TOM1L2: variants seen among roughly 807,000 people sequenced by gnomAD.
TOM1L2 encodes the protein target of myb1 like 2 membrane trafficking protein, also known as TOM1-like protein 2.
In TOM1L2, 31 loss-of-function variants were observed where a neutral mutation model predicts 67.9. The observed-to-expected ratio is 0.46, with a 90% CI of 0.34 to 0.62. TOM1L2 has a LOEUF of 0.62. Ranked by LOEUF, TOM1L2 falls within the 20% of genes least tolerant of loss-of-function variation. TOM1L2 has a pLI of 0.01. For missense variants in TOM1L2, 606 were observed against 663.5 expected, an observed-to-expected ratio of 0.91 and a Z score of 0.95; for synonymous variants, 256 against 254.0, an observed-to-expected ratio of 1.01 and a Z score of -0.07.
intron 2 of TOM1L2, among the ~76,000 whole-genome samples, chr17:17,904,538 C>T (rs2039000861): frequency 6.6e-6 from 1 of 152,076 alleles, no homozygotes; most frequent in African/African-American, 2.4e-5. Flanking sequence ...CATGAGGGGC[C>T]TGGTTGGGGT....
intron 1 of TOM1L2, among the ~76,000 whole-genome samples, chr17:17,944,407 T>C (rs1001481961): frequency 6.6e-6 from 1 of 152,248 alleles, no homozygotes; most frequent in Admixed American, 6.5e-5. Flanking sequence ...AACAGTTTCT[T>C]TGAAAGGTTC....
At chr17:17,943,628 T>C (rs1261605896) in intron 1 of TOM1L2, among the ~76,000 whole-genome samples, 1 of 152,168 alleles carries the variant, frequency 6.6e-6, no homozygotes, top group African/African-American at 2.4e-5. Flanking sequence ...CTCATTGTTA[T>C]CACTTCCTCC....
intron 4 of TOM1L2, among the ~76,000 whole-genome samples, chr17:17,892,578 C>T (rs1265791906): frequency 6.6e-6 from 1 of 152,208 alleles, no homozygotes; most frequent in Non-Finnish European, 1.5e-5. Flanking sequence ...CCACTGGCCT[C>T]TGGGCATCCT....
At chr17:17,887,861 T>C (rs1245838837) in intron 4 of TOM1L2, among the ~76,000 whole-genome samples, 2 of 152,192 alleles carry the variant, frequency 1.3e-5, no homozygotes, top group Non-Finnish European at 1.5e-5. Flanking sequence ...TTAAACTGAA[T>C]TCAGTTCTCA....
intron 1 of TOM1L2, among the ~76,000 whole-genome samples, chr17:17,924,560 G>T (rs970930524): frequency 3.9e-5 from 6 of 152,098 alleles, no homozygotes; most frequent in Non-Finnish European, 8.8e-5. Flanking sequence ...CTTAAGCCCA[G>T]GAGTTTGAGA....
At chr17:17,878,281 A>G (rs570227922) in intron 7 of TOM1L2, among the ~76,000 whole-genome samples, 2 of 152,298 alleles carry the variant, frequency 1.3e-5, no homozygotes, top group East Asian at 3.9e-4. Flanking sequence ...GAGGTCTGGG[A>G]ACTAGGGAGA....
rs114887754 is a variant in TOM1L2, at chr17:17,904,204, C to T, written c.137+3243G>A. On this transcript the variant is annotated intron_variant, in intron 2 of 14. Coordinates refer to ENST00000379504, the MANE Select transcript of TOM1L2 (RefSeq NM_001082968.2). ...TTCTCAGGAATCACTGAGGTGCTCT[C>T]ACTCAAAAAGGTAGCAACAGGAGCT... Among the ~76,000 whole-genome samples the T allele has an allele frequency of 7.5e-3, 1,134 of 152,208 alleles. 13 individuals carry two copies. Among genetic ancestry groups the T allele is most frequent in the African/African-American group, 0.026 (1,088 of 41,506 alleles).
chr17:17,885,531 A>G (rs2037950076), intron 4 of TOM1L2, among the ~76,000 whole-genome samples: 2 of 152,238 alleles, frequency 1.3e-5, no homozygotes, highest in Non-Finnish European at 2.9e-5. Flanking sequence ...GAAAAGCACA[A>G]TCACCAGATT....
rs568530265 is a variant in TOM1L2 at position 17,918,235 on chromosome 17, G to A, written c.53-10704C>T. Among the ~76,000 whole-genome samples the A allele has an allele frequency of 2.4e-4, 36 of 151,418 alleles. No individual in the cohort carries two copies. In the South Asian group the frequency reaches 5.2e-3, roughly 22 times the overall value. On this transcript the variant is annotated intron_variant, in intron 1 of 14. Coordinates refer to ENST00000379504, the MANE Select transcript of TOM1L2 (RefSeq NM_001082968.2). ...CAGCTTTGGTAAATTTATGTTATTC[G>A]CTCTAGCAGTTTTTCTTTTTTTTTT...
intron 1 of TOM1L2, among the ~76,000 whole-genome samples, chr17:17,964,615 G>A (rs1434273930): frequency 6.6e-6 from 1 of 152,074 alleles, no homozygotes; most frequent in East Asian, 1.9e-4. Flanking sequence ...ATGAAAGGCT[G>A]GGCACAGTGG....
chr17:17,893,719 A>G lies in TOM1L2; in HGVS notation c.308T>C (p.Ile103Thr), dbSNP rs1598282423. 6.2e-7 allele frequency: 1 copy of G among 1,614,196 alleles called. No homozygotes were observed. The highest frequency in any genetic ancestry group is 8.5e-7 in the Non-Finnish European group (1 of 1,180,034). Residue 103 changes from isoleucine to threonine, a missense_variant, in exon 4 of 15, where the codon ATA (isoleucine) becomes ACA (threonine). Around this residue, in one of 2 missense-constraint regions of TOM1L2, gnomAD observed 543 missense variants for 554.0 expected, o/e 0.98. Transcript: ENST00000379504. ...DFIDSVLVKI[I>T]SPKNNPPTIV... ...GGTGGGAGGGTTGTTCTTGGGAGAT[A>G]TAATTTTGACCAGAACACTGTCGAT...
chr17:17,851,603 A>G (rs2035983644), intron 12 of TOM1L2, among the ~76,000 whole-genome samples: 1 of 152,220 alleles, frequency 6.6e-6, no homozygotes, highest in African/African-American at 2.4e-5. Context: ...ACAGAAACAC[A>G]GCAAAAACGA....
chr17:17,910,209 G>C (rs766643444), intron 1 of TOM1L2, among the ~76,000 whole-genome samples: 36 of 152,144 alleles, frequency 2.4e-4, no homozygotes, highest in Non-Finnish European at 4.1e-4. Context: ...GAAACCCGGG[G>C]CCCGCAGAAG....
chr17:17,880,068 T>C (rs2037640387), intron 6 of TOM1L2, among the ~76,000 whole-genome samples: 1 of 152,168 alleles, frequency 6.6e-6, no homozygotes, highest in Non-Finnish European at 1.5e-5. Flanking sequence ...CCACGGGAAC[T>C]TGAGTAGAAG....
intron 12 of TOM1L2, among the ~76,000 whole-genome samples, chr17:17,853,521 A>T (rs963937307): frequency 3.3e-5 from 5 of 152,228 alleles, no homozygotes. Context: ...AAAATAAACA[A>T]TGACACTTAA....
intron 3 of TOM1L2, among the ~76,000 whole-genome samples, chr17:17,897,441 TA>T (rs2038631015): frequency 6.6e-6 from 1 of 152,248 alleles, no homozygotes; most frequent in African/African-American, 2.4e-5. Flanking sequence ...TTGTTTTGGA[TA>T]AATAACCTAC....
At chr17:17,888,748 G>A (rs1222731202) in intron 4 of TOM1L2, among the ~76,000 whole-genome samples, 2 of 152,234 alleles carry the variant, frequency 1.3e-5, no homozygotes, top group Non-Finnish European at 2.9e-5. Flanking sequence ...CCACACTGAG[G>A]TGACTCTGCC....
chr17:17,873,802 G>T (rs78000129), intron 7 of TOM1L2, among the ~76,000 whole-genome samples: 3,774 of 152,284 alleles, frequency 0.025, 129 homozygotes, highest in African/African-American at 0.08. Context: ...AAGTTTTTCT[G>T]CAGAAGGCCA....
chr17:17,881,946 TATAA>T (rs2037746417), intron 6 of TOM1L2, among the ~76,000 whole-genome samples: 1 of 152,210 alleles, frequency 6.6e-6, no homozygotes, highest in Non-Finnish European at 1.5e-5. Flanking sequence ...ATTTGGTAAA[TATAA>T]ACATTGGAGA....
Sources: allele counts gnomAD v4.1 joint callset (sites outside exome capture counted in the v4.1 genomes callset), GRCh38; gene constraint gnomAD v4.1.1; regional missense constraint gnomAD v4.1.1; transcripts MANE v1.5; gene names NCBI Gene and HGNC (gene_info 2026-07-23, HGNC 2026-07-21).